The following NBAS variants were observed in gnomAD, a reference collection of about 807,000 sequenced individuals.
NBAS encodes NBAS subunit of NRZ tethering complex, also known as NAG/BC035112 fusion.
Under a neutral mutation model 302.5 loss-of-function variants are expected in NBAS, and 219 were observed. That is an observed-to-expected ratio of 0.72 (90% CI 0.65 to 0.81). The LOEUF (loss-of-function observed/expected upper bound fraction) is 0.81, where lower values mean the gene tolerates loss of function less well. Ranked by LOEUF, NBAS falls within the 30% of genes least tolerant of loss-of-function variation. NBAS has a pLI of 0.00. For missense variants in NBAS, 2,932 were observed against 2,841.6 expected (o/e 1.03, Z -0.72); for synonymous variants, 1,118 against 1,021.6 (o/e 1.09, Z -1.80).
At chr2:14,857,364 A>C in the NBAS span, among the ~76,000 whole-genome samples, 1 of 152,194 alleles carries the variant, frequency 6.6e-6, no homozygotes, top group Admixed American at 6.5e-5. Context: ...AGAAGAGCCA[A>C]AGCTGTCATA....
the NBAS span, among the ~76,000 whole-genome samples, chr2:15,158,422 C>T: frequency 6.6e-6 from 1 of 152,218 alleles, no homozygotes; most frequent in East Asian, 1.9e-4. Context: ...GGTTACACAG[C>T]CAGTAAATGA....
the NBAS span, among the ~76,000 whole-genome samples, chr2:15,034,235 G>GAAAGAAAGAAAGAA: frequency 6.1e-5 from 5 of 81,730 alleles, no homozygotes; most frequent in African/African-American, 2.2e-4. Context: ...AAAGAAAGAA[G>GAAAGAAAGAAAGAA]GAAAGAAAGA....
chr2:15,160,598 G>C, the NBAS span, among the ~76,000 whole-genome samples: 1 of 132,256 alleles, frequency 7.6e-6, no homozygotes, highest in East Asian at 2.7e-4. Flanking sequence ...GGGGAGGGGG[G>C]GGGGCAGGAG....
At chr2:15,355,242 T>C (rs1423477631) in intron 33 of NBAS, among the ~76,000 whole-genome samples, 1 of 152,164 alleles carries the variant, frequency 6.6e-6, no homozygotes, top group Non-Finnish European at 1.5e-5. Flanking sequence ...AAGATGTGTT[T>C]GGACCTTCAC....
At chr2:15,076,317 G>T in the NBAS span, among the ~76,000 whole-genome samples, 1 of 152,236 alleles carries the variant, frequency 6.6e-6, no homozygotes, top group Non-Finnish European at 1.5e-5. Flanking sequence ...CCGTTGAGCA[G>T]AATAGGACCT....
intron 38 of NBAS, among the ~76,000 whole-genome samples, chr2:15,311,848 A>G (rs1055505386): frequency 6.6e-6 from 1 of 151,950 alleles, no homozygotes; most frequent in African/African-American, 2.4e-5. Flanking sequence ...GGTGTTAGAA[A>G]AGAATTCTCC....
the NBAS span, among the ~76,000 whole-genome samples, chr2:14,816,235 G>A: frequency 6.6e-6 from 1 of 152,212 alleles, no homozygotes; most frequent in East Asian, 1.9e-4. Flanking sequence ...AGAGCAGGAG[G>A]TGAGCAGTGT....
chr2:15,354,515 G>A (rs949088854), intron 33 of NBAS, among the ~76,000 whole-genome samples: 1 of 152,094 alleles, frequency 6.6e-6, no homozygotes, highest in African/African-American at 2.4e-5. Context: ...GAACAATTTA[G>A]ATCAGTACAT....
the NBAS span, among the ~76,000 whole-genome samples, chr2:15,029,830 C>T: frequency 6.6e-6 from 1 of 152,146 alleles, no homozygotes; most frequent in Non-Finnish European, 1.5e-5. Flanking sequence ...TGTCTGGTGC[C>T]CTTCCCAATG....
At chr2:15,517,234 T>G (rs1234393703) in intron 9 of NBAS, among the ~76,000 whole-genome samples, 1 of 152,222 alleles carries the variant, frequency 6.6e-6, no homozygotes, top group Non-Finnish European at 1.5e-5. Context: ...TTGTACAGAT[T>G]ATTTCTTCAC....
the NBAS span, among the ~76,000 whole-genome samples, chr2:14,843,346 G>C: frequency 6.6e-6 from 1 of 151,896 alleles, no homozygotes; most frequent in Non-Finnish European, 1.5e-5. Flanking sequence ...ATAAACAAAG[G>C]GCACATAAAT....
rs746384730 is a variant in NBAS, at chr2:15,328,283, G to A, written c.4377C>T (p.Ile1459=). Reference sequence around the variant, plus strand: ...CTAGATCTTCATTGGCTGTAGTTCCGATTTGATATGCACCACCACATTTTT... The same window carrying A: ...CTAGATCTTCATTGGCTGTAGTTCCAATTTGATATGCACCACCACATTTTT... The part of the protein sequence containing the change: ...QGQKCGGAYQ[I]GTTANEDLEK... The change falls in exon 37 of 52, where the codon ATC becomes ATT. Residue 1459 remains isoleucine (I), a synonymous_variant. Coordinates refer to ENST00000281513, the MANE Select transcript of NBAS (RefSeq NM_015909.4). The A allele has an allele frequency of 1.9e-5, 31 of 1,613,668 alleles. No individual in the cohort carries two copies. Among genetic ancestry groups the A allele is most frequent in the East Asian group, 1.1e-4 (5 of 44,878 alleles).
the NBAS span, among the ~76,000 whole-genome samples, chr2:14,984,365 A>G: frequency 6.6e-6 from 1 of 152,210 alleles, no homozygotes; most frequent in Non-Finnish European, 1.5e-5. Context: ...CACTTCGGCT[A>G]GTAGACTAGA....
the NBAS span, among the ~76,000 whole-genome samples, chr2:15,090,221 G>T: frequency 6.6e-6 from 1 of 152,158 alleles, no homozygotes; most frequent in Non-Finnish European, 1.5e-5. Context: ...GAACAAAAAG[G>T]TTGTGAGAGT....
At chr2:15,266,007 G>C (rs971468024) in intron 44 of NBAS, among the ~76,000 whole-genome samples, 1 of 152,186 alleles carries the variant, frequency 6.6e-6, no homozygotes, top group African/African-American at 2.4e-5. Context: ...CATGTGTCAA[G>C]AGCGGGACCA....
At chr2:15,331,866 C>T (rs559087403) in intron 35 of NBAS, among the ~76,000 whole-genome samples, 2 of 152,254 alleles carry the variant, frequency 1.3e-5, no homozygotes, top group African/African-American at 2.4e-5. Flanking sequence ...ACAGTACAGA[C>T]CTCGAAGTGA....
chr2:15,421,208 G>C (rs1677197844), intron 23 of NBAS, among the ~76,000 whole-genome samples: 2 of 151,760 alleles, frequency 1.3e-5, no homozygotes, highest in Non-Finnish European at 2.9e-5. Context: ...TTGATGCATA[G>C]AGCACAGTTT....
intron 15 of NBAS, 122 bp from the exon 16 acceptor site, chr2:15,473,469 C>A: frequency 8.0e-7 from 1 of 1,250,654 alleles, no homozygotes; most frequent in Non-Finnish European, 1.1e-6. Context: ...AATTCCTGTG[C>A]ACTGTGGCAC....
the NBAS span, among the ~76,000 whole-genome samples, chr2:14,806,076 A>T: frequency 2.4e-3 from 366 of 152,308 alleles, no homozygotes; most frequent in African/African-American, 8.0e-3. Flanking sequence ...AGAGTGCATC[A>T]GAATCTCCTG....
Sources: allele counts gnomAD v4.1 joint callset (sites outside exome capture counted in the v4.1 genomes callset), GRCh38; gene constraint gnomAD v4.1.1; transcripts MANE v1.5; gene names NCBI Gene and HGNC (gene_info 2026-07-23, HGNC 2026-07-21).